The following FSTL5 variants were observed in gnomAD, a reference collection of about 807,000 sequenced individuals.
FSTL5 encodes the protein follistatin-related protein 5.
A neutral mutation model predicts 89.1 loss-of-function variants in FSTL5; 62 were observed. The ratio of observed to expected loss-of-function variants is 0.70; its 90% CI spans 0.57 to 0.86. FSTL5 has a LOEUF of 0.86. FSTL5 is among the 40% of genes least tolerant of loss of function. FSTL5 has a pLI of 0.00. For missense variants in FSTL5, 1,057 were observed against 1,001.6 expected (o/e 1.06, Z -0.75); for synonymous variants, 383 against 346.2 (o/e 1.11, Z -1.18).
intron 7 of FSTL5, among the ~76,000 whole-genome samples, chr4:161,594,936 A>G (rs1733959624): frequency 6.6e-6 from 1 of 152,022 alleles, no homozygotes; most frequent in South Asian, 2.1e-4. Context: ...CATTAATCCC[A>G]TTTTGCAGAT....
intron 8 of FSTL5, among the ~76,000 whole-genome samples, chr4:161,558,842 T>C (rs1732485393): frequency 6.6e-6 from 1 of 151,914 alleles, no homozygotes; most frequent in African/African-American, 2.4e-5. Context: ...AACTCATTAG[T>C]AACTCTCCCA....
intron 6 of FSTL5, among the ~76,000 whole-genome samples, chr4:161,748,737 A>G (rs1740290005): frequency 6.6e-6 from 1 of 151,882 alleles, no homozygotes; most frequent in Non-Finnish European, 1.5e-5. Context: ...TATTTTAAAA[A>G]TTAGAAAAGC....
intron 6 of FSTL5, among the ~76,000 whole-genome samples, chr4:161,719,783 GCAAA>G: frequency 6.6e-6 from 1 of 152,104 alleles, no homozygotes; most frequent in South Asian, 2.1e-4. Flanking sequence ...GTATTGTAAT[GCAAA>G]CAATTTTTGT....
At position 161,384,335 on chromosome 4, in the gene FSTL5, AT is replaced by A. The variant is rs918793771; in HGVS notation, c.*1411del. ...AGCCCATTAACATTTTTTTGCAACA[AT>A]AAAAACAAAAATAAGTACAAGGATT... On this transcript the variant is annotated 3_prime_UTR_variant, in exon 16 of 16. Transcript: ENST00000306100. 2 of 152,156 alleles carry A rather than the reference AT, an allele frequency of 1.3e-5. No individual in the cohort carries two copies. The highest frequency in any genetic ancestry group is 4.8e-5 in the African/African-American group (2 of 41,462). 9.4% of individuals were successfully genotyped at this position (152,156 alleles called of 1,614,324 possible). A position where few individuals can be genotyped will look rare whatever the true frequency, so the allele number is the denominator to read the frequency against.
At chr4:161,449,439 GGT>G (rs555992509) in intron 15 of FSTL5, among the ~76,000 whole-genome samples, 287 of 152,222 alleles carry the variant, frequency 1.9e-3, no homozygotes, top group African/African-American at 6.5e-3. Flanking sequence ...TGGTAGTTTG[GGT>G]TGGGGGGGAT....
At chr4:162,062,355 T>C (rs1018929384) in intron 2 of FSTL5, among the ~76,000 whole-genome samples, 5 of 151,984 alleles carry the variant, frequency 3.3e-5, no homozygotes, top group African/African-American at 1.2e-4. Flanking sequence ...TAACATTGTG[T>C]ACTTGTTGAG....
intron 7 of FSTL5, among the ~76,000 whole-genome samples, chr4:161,623,054 A>G (rs1264489661): frequency 6.6e-6 from 1 of 152,126 alleles, no homozygotes; most frequent in Non-Finnish European, 1.5e-5. Context: ...TGCTGAAAAA[A>G]TTACACTTTT....
chr4:161,670,976 CT>C (rs1477528721), intron 6 of FSTL5, among the ~76,000 whole-genome samples: 9 of 152,282 alleles, frequency 5.9e-5, no homozygotes, highest in African/African-American at 2.2e-4. Flanking sequence ...AATCTTCTTT[CT>C]AATGCACAGG....
rs1293664680 is a variant in FSTL5 at position 162,143,825 on chromosome 4, A to AC, written c.-17+19789_-17+19790insG. 5.1e-3 allele frequency among the ~76,000 whole-genome samples: 444 copies of AC among 86,410 alleles called. 2 individuals are homozygous for AC. Among genetic ancestry groups the AC allele is most frequent in the African/African-American group, 0.015 (373 of 25,208 alleles). The allele number at this position is 86,410 out of a possible 152,430, so 56.7% of individuals were successfully genotyped here. On this transcript the variant is annotated intron_variant, in intron 1 of 15. Coordinates refer to ENST00000306100, the MANE Select transcript of FSTL5 (RefSeq NM_020116.5). ...ACACACACACACACACACACATACAAACACACACGGCAGGAAAAAAAATAC... is the reference window on the plus strand; with the variant it reads ...ACACACACACACACACACACATACAACACACACACGGCAGGAAAAAAAATAC...
chr4:161,600,930 C>T (rs913991508), intron 7 of FSTL5, among the ~76,000 whole-genome samples: 7 of 152,100 alleles, frequency 4.6e-5, no homozygotes, highest in African/African-American at 1.7e-4. Context: ...ACTGACTATC[C>T]TCAAATCCCA....
intron 3 of FSTL5, among the ~76,000 whole-genome samples, chr4:162,017,684 A>T (rs559100170): frequency 5.1e-4 from 77 of 152,326 alleles, no homozygotes; most frequent in Non-Finnish European, 1.0e-3. Flanking sequence ...CAATGGGATC[A>T]GCAGAACTTT....
intron 4 of FSTL5, among the ~76,000 whole-genome samples, chr4:161,810,298 C>A (rs1200714615): frequency 6.6e-6 from 1 of 151,878 alleles, no homozygotes; most frequent in African/African-American, 2.4e-5. Context: ...AAATCATCAT[C>A]AAAATTTAAT....
At chr4:161,465,520 C>T (rs554511033) in intron 13 of FSTL5, among the ~76,000 whole-genome samples, 9 of 152,248 alleles carry the variant, frequency 5.9e-5, no homozygotes, top group Admixed American at 2.6e-4. Context: ...ACTCTGGTCA[C>T]AAGCAATCCT....
chr4:161,692,548 AATCT>A (rs1386076425), intron 6 of FSTL5, among the ~76,000 whole-genome samples: 1 of 152,042 alleles, frequency 6.6e-6, no homozygotes, highest in African/African-American at 2.4e-5. Context: ...AATGTGCCCT[AATCT>A]AATCTGATTG....
chr4:161,667,178 G>T (rs1367999038), intron 6 of FSTL5, among the ~76,000 whole-genome samples: 1 of 151,572 alleles, frequency 6.6e-6, no homozygotes, highest in African/African-American at 2.4e-5. Context: ...ATCTTTCAAG[G>T]GTTCTGTTAA....
chr4:161,643,158 G>C (rs7683793), intron 7 of FSTL5, among the ~76,000 whole-genome samples: 3,047 of 152,192 alleles, frequency 0.02, 77 homozygotes, highest in South Asian at 0.13. Flanking sequence ...AAATATAGAT[G>C]TACAGTTCAA....
intron 8 of FSTL5, among the ~76,000 whole-genome samples, chr4:161,543,916 G>GACACTAGTTTTA (rs1731917803): frequency 6.6e-6 from 1 of 151,972 alleles, no homozygotes; most frequent in African/African-American, 2.4e-5. Flanking sequence ...GTTAGATTTT[G>GACACTAGTTTTA]TAGTGCATCA....
At chr4:161,903,014 A>G (rs2110800690) in intron 4 of FSTL5, among the ~76,000 whole-genome samples, 1 of 152,344 alleles carries the variant, frequency 6.6e-6, no homozygotes, top group Middle Eastern at 3.4e-3. Flanking sequence ...ATTAATCAGC[A>G]CAGTAAGGCT....
intron 1 of FSTL5, among the ~76,000 whole-genome samples, chr4:162,117,023 G>T (rs928946286): frequency 6.6e-6 from 1 of 152,182 alleles, no homozygotes; most frequent in Non-Finnish European, 1.5e-5. Flanking sequence ...GTAAAAGAAA[G>T]TAGTTTAGAT....
Sources: gnomAD v4.1 joint callset for allele counts (sites outside exome capture counted in the v4.1 genomes callset) on GRCh38, gnomAD v4.1.1 for gene constraint, MANE v1.5 for transcripts, NCBI Gene and HGNC (gene_info 2026-07-23, HGNC 2026-07-21) for gene names.